DPF3: variants seen among roughly 807,000 people sequenced by gnomAD.
The protein encoded by DPF3 is zinc finger protein DPF3.
Under a neutral mutation model 56.8 loss-of-function variants are expected in DPF3, and 18 were observed. The observed-to-expected ratio is 0.32, with a 90% CI of 0.22 to 0.47. The LOEUF (loss-of-function observed/expected upper bound fraction) is 0.47, where lower values mean the gene tolerates loss of function less well. Ranked by LOEUF, DPF3 falls within the 20% of genes least tolerant of loss-of-function variation. The pLI is 1.00. For missense variants in DPF3, 403 were observed against 488.8 expected, an observed-to-expected ratio of 0.82 and a Z score of 1.65; for synonymous variants, 188 against 180.2, an observed-to-expected ratio of 1.04 and a Z score of -0.35.
chr14:72,645,588 G>A (rs968474502), intron 8 of DPF3, among the ~76,000 whole-genome samples: 1 of 152,176 alleles, frequency 6.6e-6, no homozygotes, highest in East Asian at 1.9e-4. Context: ...CCACCAGCTA[G>A]AAGGCATCAA....
At chr14:72,845,699 G>A (rs1884721586) in intron 1 of DPF3, among the ~76,000 whole-genome samples, 5 of 152,192 alleles carry the variant, frequency 3.3e-5, no homozygotes. Context: ...GAAGAGACAG[G>A]GCAGAAAGCT....
chr14:72,795,689 T>A (rs72730348), intron 1 of DPF3, among the ~76,000 whole-genome samples: 18,285 of 152,202 alleles, frequency 0.12, 1,413 homozygotes, highest in Middle Eastern at 0.31. Context: ...GAGGGGCTGT[T>A]TGGCCAATGC....
intron 8 of DPF3, chr14:72,662,732 A>AGAG (rs531790961): frequency 7.4e-5 from 73 of 993,138 alleles, no homozygotes; most frequent in East Asian, 1.1e-4. Context: ...AAGAGGAAGA[A>AGAG]GAGGAGGAGG....
chr14:72,715,007 T>C (rs1888851258), intron 5 of DPF3, among the ~76,000 whole-genome samples: 1 of 152,202 alleles, frequency 6.6e-6, no homozygotes, highest in African/African-American at 2.4e-5. Context: ...GCTAGGCTTC[T>C]GTGTCCATCC....
chr14:72,671,277 C>G (rs367664712), intron 8 of DPF3: 2 of 1,614,006 alleles, frequency 1.2e-6, no homozygotes, highest in South Asian at 2.2e-5. Flanking sequence ...CGAATAAGTC[C>G]TCCGTGGTAC....
At chr14:72,623,904 A>G (rs1314295216) in intron 9 of DPF3, among the ~76,000 whole-genome samples, 1 of 152,186 alleles carries the variant, frequency 6.6e-6, no homozygotes, top group Non-Finnish European at 1.5e-5. Flanking sequence ...CATAAAATGT[A>G]TAAATATATT....
intron 1 of DPF3, chr14:72,892,257 T>G: frequency 6.5e-7 from 1 of 1,535,512 alleles, no homozygotes; most frequent in African/African-American, 1.4e-5. Flanking sequence ...GTGGGTTCGG[T>G]AGAAACAGCA....
chr14:72,695,917 A>T (rs1054037144), intron 6 of DPF3, among the ~76,000 whole-genome samples: 2 of 152,004 alleles, frequency 1.3e-5, no homozygotes, highest in Non-Finnish European at 2.9e-5. Context: ...TAAATATTGT[A>T]AAAAAAATAA....
intron 1 of DPF3, among the ~76,000 whole-genome samples, chr14:72,829,378 C>A (rs1390226956): frequency 6.6e-6 from 1 of 152,108 alleles, no homozygotes; most frequent in Non-Finnish European, 1.5e-5. Flanking sequence ...CTTCTTTAAT[C>A]CCTAATAAAC....
chr14:72,611,241 G>C lies in DPF3; in HGVS notation c.*8056C>G, dbSNP rs981383103. 6.6e-6 allele frequency among the ~76,000 whole-genome samples: 1 copy of C among 152,240 alleles called. No individual in the cohort carries two copies. The highest frequency in any genetic ancestry group is 1.5e-5 in the Non-Finnish European group (1 of 68,040). ...TGGCTTCTTCAGGGAATAACTCAAAGCTGAAATCTGGCTGTGACACGTGTG... is the reference window on the plus strand; with the variant it reads ...TGGCTTCTTCAGGGAATAACTCAAACCTGAAATCTGGCTGTGACACGTGTG... On this transcript the variant is annotated 3_prime_UTR_variant, in exon 11 of 11. Transcript: ENST00000556509.
chr14:72,772,393 T>A (rs1206414890), intron 1 of DPF3, among the ~76,000 whole-genome samples: 3 of 152,150 alleles, frequency 2.0e-5, no homozygotes, highest in Admixed American at 6.5e-5. Flanking sequence ...AAACACTCCA[T>A]ATAAACAAAA....
At chr14:72,791,468 TG>T (rs1483848064) in intron 1 of DPF3, among the ~76,000 whole-genome samples, 2 of 152,202 alleles carry the variant, frequency 1.3e-5, no homozygotes, top group Non-Finnish European at 2.9e-5. Context: ...AGCAGTGCCC[TG>T]GGGAGCCCAG....
chr14:72,828,836 G>C (rs1178190836), intron 1 of DPF3, among the ~76,000 whole-genome samples: 1 of 152,208 alleles, frequency 6.6e-6, no homozygotes, highest in Non-Finnish European at 1.5e-5. Flanking sequence ...GTTTCAGCAA[G>C]ATTACCCTGG....
chr14:72,893,772 C>G (rs994247318), intron 1 of DPF3, among the ~76,000 whole-genome samples: 3 of 152,152 alleles, frequency 2.0e-5, no homozygotes, highest in East Asian at 3.9e-4. Context: ...GTAGAGCGCT[C>G]GAGCGCCGGG....
At chr14:72,787,123 C>T (rs563158561) in intron 1 of DPF3, among the ~76,000 whole-genome samples, 60 of 152,388 alleles carry the variant, frequency 3.9e-4, no homozygotes, top group South Asian at 4.1e-4. Flanking sequence ...AACAGCCAGG[C>T]ATGGAAGAGA....
intron 1 of DPF3, among the ~76,000 whole-genome samples, chr14:72,812,615 G>A (rs952539664): frequency 2.0e-5 from 3 of 152,174 alleles, no homozygotes; most frequent in Non-Finnish European, 4.4e-5. Context: ...CGGAGAGTAC[G>A]GAGAGTACGC....
At chr14:72,886,327 G>A (rs373046448) in intron 1 of DPF3, among the ~76,000 whole-genome samples, 25 of 152,130 alleles carry the variant, frequency 1.6e-4, no homozygotes, top group South Asian at 1.2e-3. Flanking sequence ...AGCCAAGATC[G>A]CGTCACTGCA....
rs1383208702 is a variant in DPF3 at position 72,815,094 on chromosome 14, G to T, written c.33-43201C>A. Among the ~76,000 whole-genome samples, 4 of 152,032 alleles carry T rather than the reference G, an allele frequency of 2.6e-5. No homozygotes were observed. The East Asian group carries it at 7.7e-4, about 29-fold the overall frequency. On this transcript the variant is annotated intron_variant, in intron 1 of 10. Coordinates refer to ENST00000556509, the MANE Select transcript of DPF3 (RefSeq NM_001280542.3). ...TTTGCAAAACATATATCTGATAAAG[G>T]ATGTTTAGTCAGAATATATAAAGAA...
chr14:72,652,169 C>T (rs905095223), intron 8 of DPF3, among the ~76,000 whole-genome samples: 1 of 152,188 alleles, frequency 6.6e-6, no homozygotes, highest in African/African-American at 2.4e-5. Flanking sequence ...GCCTGGTTCC[C>T]TTTCTCTCGC....
Sources: allele counts gnomAD v4.1 joint callset (sites outside exome capture counted in the v4.1 genomes callset), GRCh38; gene constraint gnomAD v4.1.1; transcripts MANE v1.5; gene names NCBI Gene and HGNC (gene_info 2026-07-23, HGNC 2026-07-21).